The following CACHD1 variants were observed in gnomAD, a reference collection of about 807,000 sequenced individuals.
CACHD1 encodes VWFA and cache domain-containing protein 1.
CACHD1 carries 71 observed loss-of-function variants against 138.7 expected under a neutral mutation model. The observed-to-expected ratio is 0.51, with a 90% CI of 0.42 to 0.62. CACHD1 has a LOEUF of 0.62. Ranked by LOEUF, CACHD1 falls within the 20% of genes least tolerant of loss-of-function variation. The probability of loss-of-function intolerance (pLI) is 0.00; values close to 1 mark genes in which losing one functional copy is unlikely to be tolerated. For synonymous variants in CACHD1, 578 were observed against 591.5 expected (o/e 0.98, Z 0.33); for missense variants, 1,389 against 1,625.3 (o/e 0.85, Z 2.50).
chr1:64,683,074 A>G (rs1019594092), intron 26 of CACHD1, among the ~76,000 whole-genome samples: 1 of 152,108 alleles, frequency 6.6e-6, no homozygotes, highest in Non-Finnish European at 1.5e-5. Flanking sequence ...TATCTACACT[A>G]AAAAATGCAA....
chr1:64,647,618 T>C (rs929932670), intron 8 of CACHD1, among the ~76,000 whole-genome samples, 183 bp from the exon 9 acceptor site: 1 of 152,204 alleles, frequency 6.6e-6, no homozygotes. Flanking sequence ...GGAAAGACTA[T>C]GCCTCAGGCT....
At chr1:64,598,802 A>G (rs1043977782) in intron 3 of CACHD1, among the ~76,000 whole-genome samples, 57 of 151,784 alleles carry the variant, frequency 3.8e-4, no homozygotes, top group African/African-American at 1.3e-3. Flanking sequence ...TCTTATTTTT[A>G]AATTTTATTG....
intron 2 of CACHD1, among the ~76,000 whole-genome samples, chr1:64,581,894 G>T (rs545343427): frequency 4.6e-5 from 7 of 152,138 alleles, no homozygotes; most frequent in Non-Finnish European, 8.8e-5. Flanking sequence ...TTTATGGATA[G>T]GTATTGTTCT....
At chr1:64,656,696 A>G (rs1212482511) in intron 12 of CACHD1, among the ~76,000 whole-genome samples, 2 of 152,134 alleles carry the variant, frequency 1.3e-5, no homozygotes, top group Non-Finnish European at 2.9e-5. Context: ...TAGTCACTTC[A>G]GGTAGCAGTG....
chr1:64,473,730 T>C (rs573983959), intron 1 of CACHD1, among the ~76,000 whole-genome samples: 23 of 152,352 alleles, frequency 1.5e-4, no homozygotes, highest in African/African-American at 5.3e-4. Flanking sequence ...GGCCTCTTTA[T>C]ATGTAAAAAG....
intron 1 of CACHD1, among the ~76,000 whole-genome samples, chr1:64,546,376 C>T (rs1646718432): frequency 6.6e-6 from 1 of 151,604 alleles, no homozygotes; most frequent in Non-Finnish European, 1.5e-5. Context: ...ATTCTGTTAG[C>T]CAGGCTGGAG....
At chr1:64,632,901 G>A (rs1648364338) in intron 6 of CACHD1, among the ~76,000 whole-genome samples, 158 bp downstream of exon 6, 1 of 152,188 alleles carries the variant, frequency 6.6e-6, no homozygotes, top group Non-Finnish European at 1.5e-5. Context: ...TAATACACCT[G>A]AGCTACATCA....
chr1:64,496,671 A>G (rs1477536701), intron 1 of CACHD1, among the ~76,000 whole-genome samples: 1 of 152,122 alleles, frequency 6.6e-6, no homozygotes, highest in East Asian at 1.9e-4. Flanking sequence ...TGCACTGGGA[A>G]TTGAGAATAA....
At chr1:64,536,236 G>A (rs867679330) in intron 1 of CACHD1, among the ~76,000 whole-genome samples, 2 of 152,136 alleles carry the variant, frequency 1.3e-5, no homozygotes, top group Non-Finnish European at 2.9e-5. Context: ...TTTGGAGATA[G>A]GAAAATGGAG....
intron 7 of CACHD1, among the ~76,000 whole-genome samples, chr1:64,639,531 TG>T (rs1557533157): frequency 6.6e-6 from 1 of 152,230 alleles, no homozygotes; most frequent in Non-Finnish European, 1.5e-5. Flanking sequence ...GTATCAAAAT[TG>T]GTATTAAGTA....
At chr1:64,567,623 T>C (rs1343720868) in intron 2 of CACHD1, among the ~76,000 whole-genome samples, 1 of 152,160 alleles carries the variant, frequency 6.6e-6, no homozygotes, top group Non-Finnish European at 1.5e-5. Flanking sequence ...GGTGATAGGA[T>C]TGGGATTTTA....
At chr1:64,580,520 A>G (rs1176080326) in intron 2 of CACHD1, among the ~76,000 whole-genome samples, 1 of 152,228 alleles carries the variant, frequency 6.6e-6, no homozygotes, top group Non-Finnish European at 1.5e-5. Flanking sequence ...CATCTGGTTA[A>G]TAATTATTTG....
At position 64,602,818 on chromosome 1, in the gene CACHD1, C is replaced by CT. The variant is rs762999785; in HGVS notation, c.426dup (p.Asn143Ter). The CT allele has an allele frequency of 6.2e-7, 1 of 1,611,420 alleles. No homozygotes were observed. Among genetic ancestry groups the CT allele is most frequent in the East Asian group, 2.2e-5 (1 of 44,818 alleles). On this transcript the variant is annotated frameshift_variant, in exon 4 of 27. Transcript: ENST00000651257. LOFTEE classifies it high-confidence loss of function. ...CCTATTGTTTCAGATTCGATGGGAACTTTAATACCAATGTGTCTAGAACAA... is the reference window on the plus strand; with the variant it reads ...CCTATTGTTTCAGATTCGATGGGAACTTTTAATACCAATGTGTCTAGAACAA...
chr1:64,561,102 T>C lies in CACHD1; in HGVS notation c.261+10446T>C, dbSNP rs539802131. On this transcript the variant is annotated intron_variant, in intron 2 of 26. Transcript: ENST00000651257. ...TTTTTTTAAATCTATTCTGAAAATT[T>C]CTGATTTTATTATTAGGAATATTTA... Among the ~76,000 whole-genome samples, 218 of 152,208 alleles carry C rather than the reference T, an allele frequency of 1.4e-3. 2 individuals are homozygous for C. Among genetic ancestry groups the C allele is most frequent in the African/African-American group, 5.0e-3 (209 of 41,566 alleles).
intron 2 of CACHD1, among the ~76,000 whole-genome samples, chr1:64,569,722 T>C (rs145073206): frequency 3.9e-5 from 6 of 151,922 alleles, no homozygotes; most frequent in Admixed American, 3.3e-4. Flanking sequence ...CTGCGATCTA[T>C]GTATGTGCAG....
At chr1:64,610,062 G>A (rs1647473674) in intron 4 of CACHD1, among the ~76,000 whole-genome samples, 1 of 152,124 alleles carries the variant, frequency 6.6e-6, no homozygotes, top group Non-Finnish European at 1.5e-5. Flanking sequence ...GGGAGGAAAA[G>A]CCCCTTATAA....
intron 1 of CACHD1, among the ~76,000 whole-genome samples, chr1:64,546,351 T>C (rs76306421): frequency 6.6e-6 from 1 of 152,026 alleles, no homozygotes; most frequent in African/African-American, 2.4e-5. Context: ...TTTTTTTTTT[T>C]TGAGACATGG....
At chr1:64,562,395 TG>T (rs1033505990) in intron 2 of CACHD1, among the ~76,000 whole-genome samples, 42 of 145,248 alleles carry the variant, frequency 2.9e-4, no homozygotes, top group African/African-American at 9.5e-4. Context: ...TTTATTCTTA[TG>T]CTGCAGAATT....
In CACHD1 at chr1:64,582,203, C is replaced by T; in HGVS notation, c.309C>T (p.Val103=). 3 of 1,613,988 alleles carry T rather than the reference C, an allele frequency of 1.9e-6. No homozygotes were observed. The highest frequency in any genetic ancestry group is 2.5e-6 in the Non-Finnish European group (3 of 1,179,882). The change falls in exon 3 of 27, where the codon GTC becomes GTT. Residue 103 remains valine, a synonymous_variant. Transcript: ENST00000651257. ...REKFNRYLDV[V]NRNKQVVEAS... is the part of the protein sequence containing the mutation. ...AGTTCAACCGTTACTTGGATGTGGT[C>T]AATCGGAACAAGCAAGTTGTAGAAG...
Sources: gnomAD v4.1 joint callset for allele counts (sites outside exome capture counted in the v4.1 genomes callset) on GRCh38, gnomAD v4.1.1 for gene constraint, MANE v1.5 for transcripts, NCBI Gene and HGNC (gene_info 2026-07-23, HGNC 2026-07-21) for gene names.